The following CRADD variants were observed in gnomAD, a reference collection of about 807,000 sequenced individuals.
CRADD encodes the protein death domain-containing protein CRADD.
In CRADD, 9 loss-of-function variants were observed where a neutral mutation model predicts 15.5. The observed-to-expected ratio is 0.58, with a 90% CI of 0.35 to 1.01. CRADD has a LOEUF of 1.01. CRADD is among the 50% of genes least tolerant of loss of function. CRADD has a pLI of 0.02. For missense variants in CRADD, 227 were observed against 250.3 expected (o/e 0.91, Z 0.63); for synonymous variants, 118 against 107.6 (o/e 1.10, Z -0.60).
At chr12:93,840,673 T>C (rs1401394992) in intron 2 of CRADD, among the ~76,000 whole-genome samples, 5 of 152,114 alleles carry the variant, frequency 3.3e-5, no homozygotes, top group Non-Finnish European at 7.4e-5. Flanking sequence ...TCCAAGCGAT[T>C]CTCCAGCCTC....
At chr12:93,808,222 T>C (rs1387545119) in intron 2 of CRADD, among the ~76,000 whole-genome samples, 4 of 152,008 alleles carry the variant, frequency 2.6e-5, no homozygotes, top group Non-Finnish European at 5.9e-5. Context: ...AAGACATACC[T>C]GAGACTGGCT....
At chr12:93,875,351 T>C (rs1958450843) in intron 2 of CRADD, among the ~76,000 whole-genome samples, 1 of 152,086 alleles carries the variant, frequency 6.6e-6, no homozygotes, top group Non-Finnish European at 1.5e-5. Flanking sequence ...TTTCATCCAT[T>C]CATCCAGTCT....
chr12:93,719,694 T>C (rs1236282602), intron 2 of CRADD, among the ~76,000 whole-genome samples: 8 of 152,196 alleles, frequency 5.3e-5, no homozygotes, highest in Admixed American at 5.2e-4. Context: ...CAATGAATTG[T>C]TCCTTTTCAG....
intron 2 of CRADD, among the ~76,000 whole-genome samples, chr12:93,891,714 C>G (rs1385789383): frequency 6.6e-6 from 1 of 152,268 alleles, no homozygotes; most frequent in East Asian, 1.9e-4. Context: ...AAAACTGAGG[C>G]TCAGAGAGGT....
chr12:93,867,652 T>C (rs1958382080), intron 2 of CRADD, among the ~76,000 whole-genome samples: 1 of 152,054 alleles, frequency 6.6e-6, no homozygotes, highest in Non-Finnish European at 1.5e-5. Context: ...ATTTTAGAGA[T>C]TGCAGTAAAT....
intron 2 of CRADD, among the ~76,000 whole-genome samples, chr12:93,871,266 A>G (rs566455942): frequency 2.0e-5 from 3 of 152,288 alleles, no homozygotes; most frequent in African/African-American, 7.2e-5. Context: ...ATAATTTTTA[A>G]AATAAATGTG....
intron 2 of CRADD, among the ~76,000 whole-genome samples, chr12:93,885,608 C>T (rs1253217451): frequency 6.6e-6 from 1 of 152,104 alleles, no homozygotes; most frequent in Non-Finnish European, 1.5e-5. Flanking sequence ...CAGTGAAGTC[C>T]CAGCTCCATT....
intron 2 of CRADD, among the ~76,000 whole-genome samples, chr12:93,698,827 A>C (rs976300839): frequency 6.6e-6 from 1 of 152,210 alleles, no homozygotes; most frequent in Admixed American, 6.5e-5. Flanking sequence ...ATGAAATGCA[A>C]ATTTCAGTGT....
chr12:93,723,325 T>C (rs1348400543), intron 2 of CRADD, among the ~76,000 whole-genome samples: 2 of 152,140 alleles, frequency 1.3e-5, no homozygotes, highest in East Asian at 1.9e-4. Context: ...ATAGATAACA[T>C]CACTATTGTA....
At chr12:93,723,848 G>A (rs1030199479) in intron 2 of CRADD, among the ~76,000 whole-genome samples, 1 of 152,094 alleles carries the variant, frequency 6.6e-6, no homozygotes, top group Non-Finnish European at 1.5e-5. Context: ...CGCTAGACTC[G>A]GCTGGAATTA....
At chr12:93,807,364 G>T (rs1957551068) in intron 2 of CRADD, among the ~76,000 whole-genome samples, 1 of 152,056 alleles carries the variant, frequency 6.6e-6, no homozygotes, top group African/African-American at 2.4e-5. Flanking sequence ...TGTGTGGAGG[G>T]TGCACCAAGG....
Position 93,735,720 on chromosome 12 carries a change from G to A in CRADD, c.298+56648G>A, listed in dbSNP as rs1453437818. Reference sequence around the variant, plus strand: ...GTTTGAGCCCAGCCTGGGTGACAAAGTGAGACCCCATCTCTACAAAAAGAA... The same window carrying A: ...GTTTGAGCCCAGCCTGGGTGACAAAATGAGACCCCATCTCTACAAAAAGAA... On this transcript the variant is annotated intron_variant, in intron 2 of 2. Transcript: ENST00000332896. 3 of 152,154 alleles carry A rather than the reference G, an allele frequency of 2.0e-5. No individual in the cohort carries two copies. In the East Asian group the frequency reaches 5.8e-4, roughly 29 times the overall value. 9.4% of individuals were successfully genotyped at this position (152,154 alleles called of 1,614,324 possible).
rs1958207791 is a variant in CRADD, at chr12:93,850,586, TATATATATATCC to T, written c.*327_*338del. On this transcript the variant is annotated 3_prime_UTR_variant, in exon 3 of 3. Transcript: ENST00000332896. This position sits in a 1 kb window ranked among gnomAD's most constrained non-coding sequence, Gnocchi z 4.0. ...CAGTGGTTCAAAATATATATCCATA[TATATATATATCC>T]ATATATATATCTCATGTCATCACAT... 1 of 925,946 alleles carries T rather than the reference TATATATATATCC, an allele frequency of 1.1e-6. No homozygotes were observed. Among genetic ancestry groups the T allele is most frequent in the African/African-American group, 1.8e-5 (1 of 55,988 alleles). 57.4% of individuals were successfully genotyped at this position (925,946 alleles called of 1,614,324 possible).
intron 2 of CRADD, among the ~76,000 whole-genome samples, chr12:93,887,687 C>G (rs1958547526): frequency 6.6e-6 from 1 of 152,198 alleles, no homozygotes; most frequent in African/African-American, 2.4e-5. Context: ...AATGCTTCTA[C>G]TAAAAGGCAA....
At chr12:93,759,730 C>T (rs1956928621) in intron 2 of CRADD, among the ~76,000 whole-genome samples, 2 of 152,106 alleles carry the variant, frequency 1.3e-5, no homozygotes, top group African/African-American at 2.4e-5. Flanking sequence ...GGTTTACAGG[C>T]ACCCTATCTC....
At chr12:93,887,560 A>C (rs1194379772) in intron 2 of CRADD, among the ~76,000 whole-genome samples, 1 of 152,272 alleles carries the variant, frequency 6.6e-6, no homozygotes, top group Admixed American at 6.5e-5. Context: ...CAGAGAAGTT[A>C]GCAAATCGCC....
intron 2 of CRADD, among the ~76,000 whole-genome samples, chr12:93,764,213 ACT>A (rs1957001870): frequency 7.2e-6 from 1 of 138,586 alleles, no homozygotes; most frequent in South Asian, 2.3e-4. Flanking sequence ...AAGAACGATC[ACT>A]CTGGCTGCTC....
chr12:93,687,566 A>G (rs891192841), intron 2 of CRADD, among the ~76,000 whole-genome samples: 2 of 152,106 alleles, frequency 1.3e-5, no homozygotes, highest in African/African-American at 2.4e-5. Context: ...GGTCATCTTA[A>G]ATTGCAGCCG....
chr12:93,856,975 T>C (rs1958279967), intron 2 of CRADD, among the ~76,000 whole-genome samples: 1 of 152,218 alleles, frequency 6.6e-6, no homozygotes, highest in South Asian at 2.1e-4. Flanking sequence ...CTTGTTGGCA[T>C]TTAGTGTTCT....
Sources: gnomAD v4.1 joint callset for allele counts (sites outside exome capture counted in the v4.1 genomes callset) on GRCh38, gnomAD v4.1.1 for gene constraint, Gnocchi (gnomAD v3.1) non-coding constraint, MANE v1.5 for transcripts, NCBI Gene and HGNC (gene_info 2026-07-23, HGNC 2026-07-21) for gene names.